PTPRO: variants seen among roughly 807,000 people sequenced by gnomAD.
PTPRO encodes receptor-type tyrosine-protein phosphatase O.
PTPRO carries 62 observed loss-of-function variants against 145.2 expected under a neutral mutation model. The ratio of observed to expected loss-of-function variants is 0.43; its 90% CI spans 0.35 to 0.53. The LOEUF (loss-of-function observed/expected upper bound fraction) is 0.53. Ranked by LOEUF, PTPRO falls within the 20% of genes least tolerant of loss-of-function variation. The pLI is 0.01. For synonymous variants in PTPRO, 565 were observed against 514.7 expected, an observed-to-expected ratio of 1.10 and a Z score of -1.32; for missense variants, 1,345 against 1,482.7, an observed-to-expected ratio of 0.91 and a Z score of 1.53.
intron 3 of PTPRO, among the ~76,000 whole-genome samples, chr12:15,498,604 G>T (rs950134719): frequency 1.3e-5 from 2 of 152,020 alleles, no homozygotes; most frequent in African/African-American, 2.4e-5. Context: ...AGTGAATTTG[G>T]TTTTTTTAAA....
intron 12 of PTPRO, among the ~76,000 whole-genome samples, chr12:15,535,305 G>A (rs1216522964): frequency 6.6e-6 from 1 of 152,082 alleles, no homozygotes; most frequent in African/African-American, 2.4e-5. Flanking sequence ...GTAAAGACAG[G>A]GAAGAAAAGA....
chr12:15,520,431 C>A, intron 10 of PTPRO, 119 bp downstream of exon 10: 1 of 726,782 alleles, frequency 1.4e-6, no homozygotes, highest in Non-Finnish European at 2.5e-6. Flanking sequence ...GCATCAATTT[C>A]ATGGGAGATA....
rs1420757033 is a variant in PTPRO at position 15,583,599 on chromosome 12, A to T, written c.3255+1798A>T. ...TCCATATATAACATTTTATTAGAAC[A>T]CAGCCTGCATTGTTGACGAATTGTC... On this transcript the variant is annotated intron_variant, in intron 23 of 26. Transcript: ENST00000281171. Among the ~76,000 whole-genome samples the T allele has an allele frequency of 3.9e-5, 6 of 152,214 alleles. No individual in the cohort carries two copies. In the East Asian group the frequency reaches 1.2e-3, roughly 29 times the overall value.
At chr12:15,456,728 A>G (rs1941186586) in intron 1 of PTPRO, among the ~76,000 whole-genome samples, 1 of 152,252 alleles carries the variant, frequency 6.6e-6, no homozygotes, top group African/African-American at 2.4e-5. Context: ...CATGTCTTCT[A>G]GGTTATCCAA....
intron 12 of PTPRO, among the ~76,000 whole-genome samples, chr12:15,538,061 C>CAAG (rs2135534139): frequency 6.6e-6 from 1 of 152,248 alleles, no homozygotes; most frequent in East Asian, 1.9e-4. Context: ...CAGCCCCATG[C>CAAG]AAGCATTGTT....
intron 17 of PTPRO, among the ~76,000 whole-genome samples, chr12:15,562,533 A>G (rs1385558329): frequency 1.3e-5 from 2 of 152,090 alleles, no homozygotes; most frequent in Non-Finnish European, 2.9e-5. Context: ...TTTGTGTGGA[A>G]ATCAAAAAAC....
chr12:15,571,450 G>T (rs544317869), intron 19 of PTPRO, among the ~76,000 whole-genome samples: 40 of 152,124 alleles, frequency 2.6e-4, no homozygotes, highest in African/African-American at 9.2e-4. Context: ...ACCATGCCCG[G>T]CTAACTTTTG....
chr12:15,542,778 C>T (rs1290494754), intron 12 of PTPRO, among the ~76,000 whole-genome samples: 3 of 152,130 alleles, frequency 2.0e-5, no homozygotes, highest in African/African-American at 7.2e-5. Flanking sequence ...TCTTTTCTCA[C>T]ACTAGGTCTT....
chr12:15,467,921 C>A (rs934301193), intron 1 of PTPRO, among the ~76,000 whole-genome samples: 1 of 152,144 alleles, frequency 6.6e-6, no homozygotes. Context: ...GTGAACTCCC[C>A]AATGGTGCAT....
At chr12:15,385,112 A>G (rs1032048675) in intron 1 of PTPRO, among the ~76,000 whole-genome samples, 5 of 152,224 alleles carry the variant, frequency 3.3e-5, no homozygotes, top group African/African-American at 7.2e-5. Flanking sequence ...ACAATAATCC[A>G]TTTAGTCAAT....
chr12:15,378,899 A>G (rs1376985353), intron 1 of PTPRO, among the ~76,000 whole-genome samples: 1 of 152,178 alleles, frequency 6.6e-6, no homozygotes, highest in Non-Finnish European at 1.5e-5. Flanking sequence ...GAAAGAAGAT[A>G]TAAATTATTA....
intron 1 of PTPRO, among the ~76,000 whole-genome samples, chr12:15,401,895 T>C (rs1274925879): frequency 6.6e-6 from 1 of 152,236 alleles, no homozygotes; most frequent in African/African-American, 2.4e-5. Flanking sequence ...CATCATTTCA[T>C]TGAATCCTAA....
chr12:15,520,267 C>T lies in PTPRO; in HGVS notation c.1846C>T (p.Pro616Ser). The T allele has an allele frequency of 3.1e-6, 5 of 1,613,766 alleles. No homozygotes were observed. The highest frequency in any genetic ancestry group is 3.4e-6 in the Non-Finnish European group (4 of 1,179,816). The change falls in exon 10 of 27, where the codon CCA (proline) becomes TCA (serine). Residue 616 changes from proline to serine, a missense_variant. Around this residue, in one of 3 missense-constraint regions of PTPRO, gnomAD observed 1,130 missense variants for 1,214.7 expected, o/e 0.93. Coordinates refer to ENST00000281171, the MANE Select transcript of PTPRO (RefSeq NM_030667.3). The stretch of plus-strand genomic sequence containing the variant: ...GGTTACCATGGTGACGTGGGGAGAT[C>T]CAGAATTGAGCTGCTGTGACAGCTC... ...FRVTMVTWGD[P>S]ELSCCDSSTI...
At chr12:15,438,408 T>C (rs376789018) in intron 1 of PTPRO, among the ~76,000 whole-genome samples, 2 of 152,086 alleles carry the variant, frequency 1.3e-5, no homozygotes, top group African/African-American at 4.8e-5. Flanking sequence ...AAGCGTGGAT[T>C]GCAAGGAAGC....
At position 15,364,723 on chromosome 12, in the gene PTPRO, A is replaced by C. The variant is rs572927362; in HGVS notation, c.75+41922A>C. 3.9e-5 allele frequency among the ~76,000 whole-genome samples: 6 copies of C among 152,224 alleles called. No homozygotes were observed. In the South Asian group the frequency reaches 1.2e-3, roughly 32 times the overall value. ...AACAGTGACACATGCCTGCCCCAAA[A>C]CTTTCTCTGAATTTTGCAGGGCCTG... On this transcript the variant is annotated intron_variant, in intron 1 of 26. Transcript: ENST00000281171.
intron 16 of PTPRO, among the ~76,000 whole-genome samples, chr12:15,558,743 T>G (rs1448714227): frequency 5.3e-5 from 8 of 152,220 alleles, no homozygotes; most frequent in Admixed American, 5.2e-4. Context: ...TTTTACAGAA[T>G]CAATGAGGGA....
chr12:15,484,575 A>AG (rs1555168374), intron 2 of PTPRO, among the ~76,000 whole-genome samples: 1 of 151,972 alleles, frequency 6.6e-6, no homozygotes, highest in Non-Finnish European at 1.5e-5. Flanking sequence ...TAACTTGTTT[A>AG]TTTTTTTCCA....
At chr12:15,561,830 T>C (rs7973702) in intron 17 of PTPRO, among the ~76,000 whole-genome samples, 8,252 of 152,222 alleles carry the variant, frequency 0.054, 727 homozygotes, top group African/African-American at 0.18. Flanking sequence ...CCTTGCTTAA[T>C]TCTCTGAGAC....
At position 15,595,248 on chromosome 12, in the gene PTPRO, A is replaced by G. The variant is rs796827880; in HGVS notation, c.*16+191A>G. Reference sequence around the variant, plus strand: ...GTACTGTAGCAGATCTTTGAGTTTCAATGCACCTTGGTTGGTGTTGGCAAC... The same window carrying G: ...GTACTGTAGCAGATCTTTGAGTTTCGATGCACCTTGGTTGGTGTTGGCAAC... On this transcript the variant is annotated intron_variant, in intron 26 of 26. Transcript: ENST00000281171. 1.3e-4 allele frequency: 76 copies of G among 569,154 alleles called. 1 individual carries two copies. The highest frequency in any genetic ancestry group is 1.2e-3 in the African/African-American group (65 of 53,722). 35.3% of individuals were successfully genotyped at this position (569,154 alleles called of 1,614,324 possible). A position where few individuals can be genotyped will look rare whatever the true frequency, so the allele number is the denominator to read the frequency against.
Sources: allele counts gnomAD v4.1 joint callset (sites outside exome capture counted in the v4.1 genomes callset), GRCh38; gene constraint gnomAD v4.1.1; regional missense constraint gnomAD v4.1.1; transcripts MANE v1.5; gene names NCBI Gene and HGNC (gene_info 2026-07-23, HGNC 2026-07-21).